DOK6: variants seen among roughly 807,000 people sequenced by gnomAD.
DOK6 encodes the protein docking protein 6.
In DOK6, 22 loss-of-function variants were observed where a neutral mutation model predicts 44.0. That is an observed-to-expected ratio of 0.50 (90% confidence interval 0.36 to 0.71). The LOEUF (loss-of-function observed/expected upper bound fraction) is 0.71, where lower values mean the gene tolerates loss of function less well. DOK6 is among the 30% of genes least tolerant of loss of function. DOK6 has a pLI of 0.00. For missense variants in DOK6, 340 were observed against 416.4 expected, an observed-to-expected ratio of 0.82 and a Z score of 1.60; for synonymous variants, 166 against 145.5, an observed-to-expected ratio of 1.14 and a Z score of -1.01.
intron 4 of DOK6, among the ~76,000 whole-genome samples, chr18:69,681,403 G>A (rs999282600): frequency 5.3e-5 from 8 of 152,200 alleles, no homozygotes; most frequent in Non-Finnish European, 1.2e-4. Context: ...GATAATGTGT[G>A]TTGCTGAGAT....
At chr18:69,510,277 G>T (rs562187442) in intron 1 of DOK6, among the ~76,000 whole-genome samples, 3 of 152,180 alleles carry the variant, frequency 2.0e-5, no homozygotes, top group Admixed American at 2.0e-4. Context: ...TCTTTTTGGT[G>T]CTATTGGAAT....
intron 5 of DOK6, among the ~76,000 whole-genome samples, chr18:69,719,781 A>G (rs550554397): frequency 5.3e-5 from 8 of 152,328 alleles, no homozygotes; most frequent in African/African-American, 1.9e-4. Context: ...TGAGGTTAGA[A>G]GCAAATATGG....
intron 1 of DOK6, among the ~76,000 whole-genome samples, chr18:69,408,342 A>G (rs1327108852): frequency 6.6e-6 from 1 of 152,188 alleles, no homozygotes; most frequent in Admixed American, 6.6e-5. Flanking sequence ...TTATGTCACA[A>G]TAAGGAAGTA....
At chr18:69,802,932 T>G (rs1980946068) in intron 7 of DOK6, among the ~76,000 whole-genome samples, 1 of 152,148 alleles carries the variant, frequency 6.6e-6, no homozygotes, top group Non-Finnish European at 1.5e-5. Flanking sequence ...TCTATAAAAT[T>G]TAAGCCAAAG....
chr18:69,776,705 C>T (rs1432287976), intron 7 of DOK6, among the ~76,000 whole-genome samples: 1 of 151,798 alleles, frequency 6.6e-6, no homozygotes, highest in Non-Finnish European at 1.5e-5. Context: ...GCTACTTTAA[C>T]AATAAAATAT....
At chr18:69,552,636 A>T (rs1982593561) in intron 1 of DOK6, among the ~76,000 whole-genome samples, 1 of 152,108 alleles carries the variant, frequency 6.6e-6, no homozygotes, top group Non-Finnish European at 1.5e-5. Flanking sequence ...TTTTCTTCAT[A>T]CTGGTTGTTC....
At chr18:69,660,857 G>A (rs1419957860) in intron 3 of DOK6, 1 of 152,062 alleles carries the variant, frequency 6.6e-6, no homozygotes, top group South Asian at 2.1e-4. Flanking sequence ...TTTTAGTAGA[G>A]ACGGGGTTTC....
chr18:69,681,695 C>G (rs1355511393), intron 4 of DOK6, among the ~76,000 whole-genome samples: 1 of 152,072 alleles, frequency 6.6e-6, no homozygotes, highest in East Asian at 1.9e-4. Context: ...TTTAAGATAG[C>G]CTATACTGAC....
intron 3 of DOK6, chr18:69,661,309 G>T (rs1032509384): frequency 6.6e-6 from 1 of 152,150 alleles, no homozygotes; most frequent in Non-Finnish European, 1.5e-5. Context: ...TTATAAGGAC[G>T]CTAAATTCCA....
chr18:69,591,229 C>T (rs952378734), intron 2 of DOK6, among the ~76,000 whole-genome samples: 14 of 152,026 alleles, frequency 9.2e-5, no homozygotes, highest in Non-Finnish European at 1.5e-4. Context: ...TTTTAATATT[C>T]TACTTGACAA....
chr18:69,714,109 A>T (rs1426698454), intron 5 of DOK6, among the ~76,000 whole-genome samples: 1 of 152,162 alleles, frequency 6.6e-6, no homozygotes, highest in Non-Finnish European at 1.5e-5. Context: ...TAGACTACTG[A>T]TCTTTACCAA....
chr18:69,466,442 C>G (rs1326602079), intron 1 of DOK6, among the ~76,000 whole-genome samples: 1 of 151,964 alleles, frequency 6.6e-6, no homozygotes, highest in African/African-American at 2.4e-5. Context: ...GATTTTATAT[C>G]TTGGCTATTG....
chr18:69,664,962 A>G (rs994885641), intron 3 of DOK6, among the ~76,000 whole-genome samples: 5 of 152,118 alleles, frequency 3.3e-5, no homozygotes, highest in African/African-American at 1.2e-4. Flanking sequence ...GTGGGTCACG[A>G]GGTCAGGAGT....
At chr18:69,436,609 G>A (rs555715983) in intron 1 of DOK6, among the ~76,000 whole-genome samples, 3 of 152,248 alleles carry the variant, frequency 2.0e-5, no homozygotes, top group Admixed American at 2.0e-4. Context: ...GAACAGTGCT[G>A]CAATAAACAT....
chr18:69,686,455 A>G (rs940410916), intron 4 of DOK6, among the ~76,000 whole-genome samples: 1 of 152,160 alleles, frequency 6.6e-6, no homozygotes, highest in African/African-American at 2.4e-5. Flanking sequence ...ACTTTAATAT[A>G]TTCTATAAAG....
intron 7 of DOK6, among the ~76,000 whole-genome samples, chr18:69,790,223 A>T (rs969794357): frequency 7.0e-6 from 1 of 143,428 alleles, no homozygotes; most frequent in Non-Finnish European, 1.5e-5. Flanking sequence ...CAATAAGAAC[A>T]CATGGACACA....
intron 1 of DOK6, among the ~76,000 whole-genome samples, chr18:69,443,958 C>T (rs1336815317): frequency 1.3e-5 from 2 of 151,734 alleles, no homozygotes. Flanking sequence ...TGTACACACA[C>T]ATAATCATAT....
chr18:69,593,139 A>T (rs1285456151), intron 2 of DOK6, among the ~76,000 whole-genome samples: 2 of 152,120 alleles, frequency 1.3e-5, no homozygotes, highest in African/African-American at 4.8e-5. Context: ...CCAAGGCTGG[A>T]AGGTAGCTTG....
chr18:69,551,365 T>A (rs1982561591), intron 1 of DOK6, among the ~76,000 whole-genome samples: 1 of 152,230 alleles, frequency 6.6e-6, no homozygotes, highest in Non-Finnish European at 1.5e-5. Context: ...AAAACAGTGC[T>A]GTGTATTTTT....
Sources: allele counts gnomAD v4.1 joint callset (sites outside exome capture counted in the v4.1 genomes callset), GRCh38; gene constraint gnomAD v4.1.1; transcripts MANE v1.5; gene names NCBI Gene and HGNC (gene_info 2026-07-23, HGNC 2026-07-21).